Variants in CCDC144A observed in about 807,000 individuals in gnomAD.
CCDC144A encodes coiled-coil domain-containing protein 144A.
In CCDC144A, 41 loss-of-function variants were observed where a neutral mutation model predicts 143.8. The observed-to-expected ratio is 0.29, with a 90% confidence interval of 0.22 to 0.37. CCDC144A has a LOEUF of 0.37. Among genes scored for constraint, CCDC144A ranks in the 10% least tolerant of loss-of-function variants. The probability of loss-of-function intolerance (pLI) is 1.00; values close to 1 mark genes in which losing one functional copy is unlikely to be tolerated. For synonymous variants in CCDC144A, 242 were observed against 517.9 expected (o/e 0.47, Z 7.23); for missense variants, 637 against 1,488.8 (o/e 0.43, Z 9.41).
intron 2 of CCDC144A, among the ~76,000 whole-genome samples, chr17:16,696,088 C>T (rs1911383419): frequency 6.6e-6 from 1 of 152,184 alleles, no homozygotes; most frequent in Non-Finnish European, 1.5e-5. Context: ...TCTCTTGGCT[C>T]ACTGCAACCT....
At chr17:16,723,569 A>G (rs1000932487) in intron 8 of CCDC144A, among the ~76,000 whole-genome samples, 11 of 152,170 alleles carry the variant, frequency 7.2e-5, no homozygotes, top group Non-Finnish European at 1.0e-4. Context: ...ATTTCTCACA[A>G]AAGTCCAAGA....
chr17:16,760,122 T>TAG (rs1044046882), intron 12 of CCDC144A, among the ~76,000 whole-genome samples: 2 of 152,160 alleles, frequency 1.3e-5, no homozygotes, highest in Non-Finnish European at 2.9e-5. Flanking sequence ...CAAGCGTCCC[T>TAG]AGAGAGAGAG....
upstream of CCDC144A, among the ~76,000 whole-genome samples, chr17:16,687,014 A>G (rs1280381088): frequency 2.6e-5 from 4 of 152,068 alleles, no homozygotes; most frequent in African/African-American, 7.2e-5. Context: ...CAGAACTCAG[A>G]GCACCAGGTG....
intron 2 of CCDC144A, among the ~76,000 whole-genome samples, chr17:16,698,036 A>G (rs1258567055): frequency 6.6e-6 from 1 of 152,054 alleles, no homozygotes. Flanking sequence ...GGATATTTTC[A>G]GTAGGTAATT....
chr17:16,699,524 A>ATCCC (rs1911611859), intron 2 of CCDC144A, among the ~76,000 whole-genome samples: 4 of 3,676 alleles, frequency 1.1e-3, no homozygotes, highest in African/African-American at 4.5e-3. Context: ...TACAGGCGTG[A>ATCCC]GCCACCGCGC....
Position 16,709,405 on chromosome 17 carries a change from A to G in CCDC144A, c.1348A>G (p.Met450Val), listed in dbSNP as rs773285758. 4.3e-6 allele frequency: 7 copies of G among 1,611,566 alleles called. No homozygotes were observed. The South Asian group carries it at 7.7e-5, about 18-fold the overall frequency. Residue 450 changes from methionine to valine, a missense_variant, in exon 5 of 17, where the codon ATG (methionine) becomes GTG (valine). Met to Val is a conservative substitution (Grantham distance 21). Transcript: ENST00000399273. The part of the protein sequence containing the change: ...MKEDQEFDLQ[M>V]TKNMNQNSDS... Reference sequence around the variant, plus strand: ...AGAAGACCAAGAGTTTGATTTGCAAATGACAAAAAATATGAACCAAAATAG... The same window carrying G: ...AGAAGACCAAGAGTTTGATTTGCAAGTGACAAAAAATATGAACCAAAATAG...
chr17:16,769,698 C>T (rs1239443441), intron 15 of CCDC144A, among the ~76,000 whole-genome samples: 2 of 152,064 alleles, frequency 1.3e-5, no homozygotes, highest in African/African-American at 4.8e-5. Flanking sequence ...TGGTACTAGC[C>T]AGAAGTTATG....
chr17:16,754,447 T>G (rs1426121978), intron 12 of CCDC144A, among the ~76,000 whole-genome samples: 1 of 152,230 alleles, frequency 6.6e-6, no homozygotes, highest in Non-Finnish European at 1.5e-5. Context: ...AGGGATTGAT[T>G]TTTTTCCCCA....
intron 2 of CCDC144A, among the ~76,000 whole-genome samples, chr17:16,693,566 C>T (rs1302080807): frequency 2.0e-5 from 3 of 152,136 alleles, no homozygotes; most frequent in Non-Finnish European, 4.4e-5. Context: ...CCATCCGCCT[C>T]GGCCTCCCAA....
At chr17:16,671,445 C>T in the CCDC144A span, among the ~76,000 whole-genome samples, 1 of 152,006 alleles carries the variant, frequency 6.6e-6, no homozygotes, top group African/African-American at 2.4e-5. Context: ...CATAAGTGGT[C>T]TGATATTAGG....
chr17:16,759,312 C>T (rs1265124238), intron 12 of CCDC144A, among the ~76,000 whole-genome samples: 2 of 152,198 alleles, frequency 1.3e-5, no homozygotes, highest in Non-Finnish European at 2.9e-5. Flanking sequence ...GATGTAACCA[C>T]CCCTGTAAGC....
intron 12 of CCDC144A, among the ~76,000 whole-genome samples, chr17:16,757,904 G>A (rs1328501062): frequency 6.6e-6 from 1 of 152,122 alleles, no homozygotes; most frequent in Non-Finnish European, 1.5e-5. Flanking sequence ...AATCGGTCCT[G>A]GTTTTGAGAT....
intron 3 of CCDC144A, chr17:16,706,328 C>G (rs1428187153): frequency 1.4e-5 from 2 of 145,056 alleles, no homozygotes; most frequent in African/African-American, 5.5e-5. Flanking sequence ...CAAATAAGAC[C>G]AGGGACCACT....
chr17:16,679,682 A>T, the CCDC144A span, among the ~76,000 whole-genome samples: 1 of 152,198 alleles, frequency 6.6e-6, no homozygotes, highest in South Asian at 2.1e-4. Context: ...CATTTAATAC[A>T]TGTAAAAAAA....
intron 12 of CCDC144A, among the ~76,000 whole-genome samples, chr17:16,757,460 G>C (rs1364657551): frequency 6.6e-6 from 1 of 152,248 alleles, no homozygotes; most frequent in African/African-American, 2.4e-5. Context: ...CTTGGTATTA[G>C]TGGTAGATGG....
chr17:16,742,866 T>G (rs1914324081), intron 12 of CCDC144A, among the ~76,000 whole-genome samples: 1 of 152,176 alleles, frequency 6.6e-6, no homozygotes. Context: ...GTCTTCTTTT[T>G]AGAAATGTCT....
chr17:16,722,450 C>T (rs1913147282), intron 8 of CCDC144A, among the ~76,000 whole-genome samples: 1 of 152,008 alleles, frequency 6.6e-6, no homozygotes, highest in Admixed American at 6.6e-5. Context: ...CATGCATAGC[C>T]TCCACAATTA....
intron 11 of CCDC144A, among the ~76,000 whole-genome samples, chr17:16,732,903 G>T (rs1382157850): frequency 2.0e-5 from 3 of 150,928 alleles, no homozygotes; most frequent in Non-Finnish European, 4.4e-5. Flanking sequence ...ATTCACAGTG[G>T]CCTTATCCAA....
Position 16,705,039 on chromosome 17 carries a change from G to T in CCDC144A, c.416-112G>T, listed in dbSNP as rs1911966621. 9.3e-5 allele frequency: 85 copies of T among 911,960 alleles called. No homozygotes were observed. In the South Asian group the frequency reaches 1.2e-3, roughly 12 times the overall value. 56.5% of individuals were successfully genotyped at this position (911,960 alleles called of 1,614,324 possible). A position where few individuals can be genotyped will look rare whatever the true frequency, so the allele number is the denominator to read the frequency against. ...AAGCCTGAATGCATAGTGTGTTGTGGGAGAGAGCAGGATGTAGGACTGTTT... is the reference window on the plus strand; with the variant it reads ...AAGCCTGAATGCATAGTGTGTTGTGTGAGAGAGCAGGATGTAGGACTGTTT... On this transcript the variant is annotated intron_variant, in intron 2 of 16. Transcript: ENST00000399273.
Sources: gnomAD v4.1 joint callset for allele counts (sites outside exome capture counted in the v4.1 genomes callset) on GRCh38, gnomAD v4.1.1 for gene constraint, MANE v1.5 for transcripts, NCBI Gene and HGNC (gene_info 2026-07-23, HGNC 2026-07-21) for gene names.